Variants in PPM1B observed in about 807,000 individuals in gnomAD.
PPM1B encodes the protein protein phosphatase 1B.
Under a neutral mutation model 43.0 loss-of-function variants are expected in PPM1B, and 22 were observed. The ratio of observed to expected loss-of-function variants is 0.51; its 90% CI spans 0.37 to 0.73. The LOEUF (loss-of-function observed/expected upper bound fraction) is 0.73, where lower values mean the gene tolerates loss of function less well. Among genes scored for constraint, PPM1B ranks in the 30% least tolerant of loss-of-function variants. PPM1B has a pLI of 0.00. For synonymous variants in PPM1B, 217 were observed against 197.9 expected (o/e 1.10, Z -0.81); for missense variants, 632 against 584.2 (o/e 1.08, Z -0.84).
chr2:44,204,784 G>A (rs1169832077), intron 2 of PPM1B, among the ~76,000 whole-genome samples: 2 of 149,140 alleles, frequency 1.3e-5, no homozygotes, highest in Admixed American at 6.7e-5. Context: ...ACTTGAACCC[G>A]GGAGGCAGAG....
At chr2:44,228,269 CCTCAACCTCCTCGACTTAG>C (rs200705443) in intron 5 of PPM1B, among the ~76,000 whole-genome samples, 4,399 of 148,750 alleles carry the variant, frequency 0.03, 68 homozygotes, top group Non-Finnish European at 0.047. Flanking sequence ...GTCACTGAAG[CCTCAACCTCCTCGACTTAG>C]CTCAACCTCT....
chr2:44,244,396 G>A (rs766108235), downstream of PPM1B: 5 of 1,323,670 alleles, frequency 3.8e-6, no homozygotes, highest in South Asian at 6.0e-5. Flanking sequence ...TATTTGTACT[G>A]CTGTTAACCT....
intron 1 of PPM1B, among the ~76,000 whole-genome samples, chr2:44,169,554 G>C (rs967348172): frequency 2.0e-5 from 3 of 152,212 alleles, no homozygotes; most frequent in Non-Finnish European, 4.4e-5. Flanking sequence ...CCTGGAAGCT[G>C]ACTGATTCTC....
chr2:44,244,259 C>G, exon 6 of PPM1B: 2 of 1,355,984 alleles, frequency 1.5e-6, no homozygotes, highest in South Asian at 1.2e-5. Context: ...ATCTGTAAAC[C>G]TGCTGAGAGC....
chr2:44,240,073 C>T (rs1670713742), intron 5 of PPM1B, among the ~76,000 whole-genome samples: 1 of 125,546 alleles, frequency 8.0e-6, no homozygotes, highest in Admixed American at 7.8e-5. Context: ...TGTAGTGGCA[C>T]CATAGCGCAC....
chr2:44,223,814 TAAAAAAAAAAAAAAA>T (rs58530902), intron 5 of PPM1B, among the ~76,000 whole-genome samples: 1 of 36,032 alleles, frequency 2.8e-5, no homozygotes, highest in African/African-American at 1.0e-4. Flanking sequence ...GGACTCTGTC[TAAAAAAAAAAAAAAA>T]AAAAAAAAAA....
chr2:44,235,831 C>A (rs565105758), downstream of PPM1B, among the ~76,000 whole-genome samples: 63 of 151,032 alleles, frequency 4.2e-4, no homozygotes, highest in Admixed American at 5.9e-4. Context: ...TTCAGGAGTT[C>A]AAGGCTGCAG....
At chr2:44,182,198 C>T (rs997157119) in intron 1 of PPM1B, among the ~76,000 whole-genome samples, 1 of 152,102 alleles carries the variant, frequency 6.6e-6, no homozygotes. Context: ...GAGAAACATT[C>T]TCTATGGACG....
At chr2:44,213,707 T>A (rs2104200773) in intron 3 of PPM1B, 1 of 152,288 alleles carries the variant, frequency 6.6e-6, no homozygotes, top group East Asian at 1.9e-4. Context: ...TCTCAATGCT[T>A]TTGAGTTTCA....
intron 1 of PPM1B, among the ~76,000 whole-genome samples, chr2:44,188,550 G>C (rs1051312164): frequency 6.6e-6 from 1 of 151,808 alleles, no homozygotes; most frequent in African/African-American, 2.4e-5. Flanking sequence ...GCACGCGCCA[G>C]CATGACTGGT....
At chr2:44,226,516 C>A (rs1670216751) in intron 5 of PPM1B, among the ~76,000 whole-genome samples, 1 of 152,142 alleles carries the variant, frequency 6.6e-6, no homozygotes, top group African/African-American at 2.4e-5. Context: ...TCAACCCTGG[C>A]TGTATATCAG....
chr2:44,229,182 CAAA>C (rs559267906), intron 5 of PPM1B, among the ~76,000 whole-genome samples: 1 of 121,130 alleles, frequency 8.3e-6, no homozygotes, highest in Non-Finnish European at 1.8e-5. Flanking sequence ...AACTCCATCC[CAAA>C]AAAAAAAAAA....
chr2:44,213,104 CTTT>C (rs57890131), intron 3 of PPM1B, among the ~76,000 whole-genome samples: 1 of 131,552 alleles, frequency 7.6e-6, no homozygotes, highest in African/African-American at 2.8e-5. Context: ...TCTTAAGGCC[CTTT>C]TTTTTTTTTT....
chr2:44,179,731 G>T (rs948257072), intron 1 of PPM1B, among the ~76,000 whole-genome samples: 1 of 152,106 alleles, frequency 6.6e-6, no homozygotes, highest in Non-Finnish European at 1.5e-5. Context: ...TAACCTGGCC[G>T]GGCATGGTGG....
rs574257662 is a variant in PPM1B at position 44,197,348 on chromosome 2, G to A, written c.-14-3838G>A. Among the ~76,000 whole-genome samples the A allele has an allele frequency of 8.5e-5, 13 of 152,072 alleles. No individual in the cohort carries two copies. The South Asian group carries it at 2.7e-3, about 32-fold the overall frequency. On this transcript the variant is annotated intron_variant, in intron 1 of 5. Transcript: ENST00000282412. The stretch of plus-strand genomic sequence containing the variant: ...TGTCCAGGCTGATCTCGAACTCCTG[G>A]GCCCAAGTGATTCTCCTACCTTGGC...
chr2:44,193,337 T>C (rs1039883906), intron 1 of PPM1B, among the ~76,000 whole-genome samples: 5 of 152,022 alleles, frequency 3.3e-5, no homozygotes, highest in African/African-American at 1.2e-4. Context: ...TTCACATATC[T>C]ATTGGCCATT....
chr2:44,181,997 A>G (rs772051792), intron 1 of PPM1B, among the ~76,000 whole-genome samples: 1 of 152,348 alleles, frequency 6.6e-6, no homozygotes, highest in South Asian at 2.1e-4. Flanking sequence ...TTGAAAGTCA[A>G]CACAACTGTT....
chr2:44,209,073 A>G (rs1456858055), intron 2 of PPM1B, 137 bp from the exon 3 acceptor site: 13 of 757,928 alleles, frequency 1.7e-5, no homozygotes, highest in Non-Finnish European at 2.6e-5. Flanking sequence ...TTAGTAATTC[A>G]TTGGAATAAA....
At chr2:44,229,946 T>A (rs199831134) in intron 5 of PPM1B, 239 of 1,442,490 alleles carry the variant, frequency 1.7e-4, no homozygotes, top group Non-Finnish European at 2.1e-4. Context: ...TTCAAAAATC[T>A]GTTTAAATCT....
Sources: allele counts gnomAD v4.1 joint callset (sites outside exome capture counted in the v4.1 genomes callset), GRCh38; gene constraint gnomAD v4.1.1; transcripts MANE v1.5; gene names NCBI Gene and HGNC (gene_info 2026-07-23, HGNC 2026-07-21).